Variants in ANKFN1 observed in about 807,000 individuals in gnomAD.
The protein encoded by ANKFN1 is ankyrin repeat and fibronectin type-III domain-containing protein 1.
In ANKFN1, 74 loss-of-function variants were observed where a neutral mutation model predicts 108.7. The ratio of observed to expected loss-of-function variants is 0.68; its 90% CI spans 0.56 to 0.83. The LOEUF is 0.83. Among genes scored for constraint, ANKFN1 ranks in the 40% least tolerant of loss-of-function variants. ANKFN1 has a pLI of 0.00. For synonymous variants in ANKFN1, 547 were observed against 516.2 expected, an observed-to-expected ratio of 1.06 and a Z score of -0.81; for missense variants, 1,505 against 1,382.3, an observed-to-expected ratio of 1.09 and a Z score of -1.41.
Position 56,396,123 on chromosome 17 carries a change from T to C in ANKFN1, c.910+21409T>C, listed in dbSNP as rs1202252651. Among the ~76,000 whole-genome samples the C allele has an allele frequency of 2.6e-5, 4 of 152,176 alleles. 1 individual carries two copies. The highest frequency in any genetic ancestry group is 2.0e-4 in the Admixed American group (3 of 15,276). ...TGTGTGCAGCATCTTTTTCACCTCA[T>C]CTACACCCTACTGTTTGAGAGCACA... On this transcript the variant is annotated intron_variant, in intron 8 of 20. Transcript: ENST00000682825.
At chr17:56,295,084 C>G (rs980363012) in intron 3 of ANKFN1, among the ~76,000 whole-genome samples, 1 of 152,208 alleles carries the variant, frequency 6.6e-6, no homozygotes, top group Non-Finnish European at 1.5e-5. Flanking sequence ...GTTAAGCCAG[C>G]CTATTGGAAA....
At chr17:56,295,372 A>G (rs1474758056) in intron 3 of ANKFN1, among the ~76,000 whole-genome samples, 1 of 152,176 alleles carries the variant, frequency 6.6e-6, no homozygotes, top group African/African-American at 2.4e-5. Context: ...TACTCCTATC[A>G]TTCTCAAAGG....
At chr17:56,287,035 T>C (rs2044237387) in intron 3 of ANKFN1, among the ~76,000 whole-genome samples, 1 of 152,158 alleles carries the variant, frequency 6.6e-6, no homozygotes, top group Non-Finnish European at 1.5e-5. Context: ...AGAAATACTT[T>C]AATCCCTTAT....
At chr17:56,175,392 G>C (rs1474667788) in intron 1 of ANKFN1, among the ~76,000 whole-genome samples, 1 of 152,190 alleles carries the variant, frequency 6.6e-6, no homozygotes, top group Non-Finnish European at 1.5e-5. Flanking sequence ...TGGGAGTGAA[G>C]ACACTAACAC....
chr17:56,188,581 G>GTGTGTGTGTGTATATATATA (rs1212242378), intron 1 of ANKFN1, among the ~76,000 whole-genome samples: 10 of 49,650 alleles, frequency 2.0e-4, no homozygotes, highest in African/African-American at 8.1e-4. Context: ...GTGTGTGTGT[G>GTGTGTGTGTGTATATATATA]TATATATATA....
intron 3 of ANKFN1, among the ~76,000 whole-genome samples, chr17:56,235,982 A>C (rs568051187): frequency 6.6e-6 from 1 of 152,126 alleles, no homozygotes; most frequent in East Asian, 1.9e-4. Flanking sequence ...CTTCCTATCC[A>C]TGATCCATGA....
At position 56,308,988 on chromosome 17, in the gene ANKFN1, T is replaced by G. The variant is rs146209339; in HGVS notation, c.54-17233T>G. Among the ~76,000 whole-genome samples the G allele has an allele frequency of 7.2e-3, 1,103 of 152,338 alleles. 12 individuals are homozygous for G. The highest frequency in any genetic ancestry group is 0.025 in the African/African-American group (1,033 of 41,570). ...TATTTGCTAATATTGGTTAATGATT[T>G]TTTGCATCTACATTTGTGAGTAATA... On this transcript the variant is annotated intron_variant, in intron 3 of 20. Coordinates refer to ENST00000682825, the MANE Select transcript of ANKFN1 (RefSeq NM_001370326.1).
Position 56,374,635 on chromosome 17 carries a change from G to A in ANKFN1, c.831G>A (p.Met277Ile). 1.2e-6 allele frequency: 2 copies of A among 1,613,916 alleles called. No homozygotes were observed. The highest frequency in any genetic ancestry group is 1.7e-6 in the Non-Finnish European group (2 of 1,179,824). Residue 277 changes from methionine (M) to isoleucine (I), a missense_variant, in exon 8 of 21, where the codon ATG (methionine) becomes ATA (isoleucine). Transcript: ENST00000682825. ...APEMPTNVCL[M>I]VTSSTSLTVS... ...AGATGCCAACCAATGTCTGTCTCAT[G>A]GTAACCAGCAGCACATCACTCACTG...
At chr17:56,270,405 A>G (rs2144175408) in intron 3 of ANKFN1, among the ~76,000 whole-genome samples, 1 of 152,334 alleles carries the variant, frequency 6.6e-6, no homozygotes, top group African/African-American at 2.4e-5. Context: ...CTACAGGAAG[A>G]GAGAAAAGCT....
At chr17:56,480,503 T>C (rs1314811758) in intron 16 of ANKFN1, among the ~76,000 whole-genome samples, 165 bp from the exon 17 acceptor site, 1 of 152,222 alleles carries the variant, frequency 6.6e-6, no homozygotes, top group Non-Finnish European at 1.5e-5. Context: ...AAGAGATCAT[T>C]TTAAGCTCCA....
intron 3 of ANKFN1, among the ~76,000 whole-genome samples, chr17:56,245,170 GA>G (rs1412782938): frequency 3.9e-5 from 6 of 152,272 alleles, no homozygotes; most frequent in Admixed American, 3.3e-4. Context: ...AATCATGTGA[GA>G]AATGTTATAT....
At chr17:56,230,416 T>C (rs939128109) in intron 3 of ANKFN1, among the ~76,000 whole-genome samples, 2 of 152,164 alleles carry the variant, frequency 1.3e-5, no homozygotes, top group Non-Finnish European at 2.9e-5. Context: ...AATCACATGA[T>C]ATAATGTTTT....
chr17:56,510,350 G>C lies in ANKFN1; in HGVS notation c.2645-123G>C, dbSNP rs1008512705. On this transcript the variant is annotated intron_variant, in intron 20 of 20. Transcript: ENST00000682825. ...TGTGTCAGCATTTCAGGAGGTGACA[G>C]CAGGGCATTAAACGAAGCACAGGCC... 10 of 814,314 alleles carry C rather than the reference G, an allele frequency of 1.2e-5. No individual in the cohort carries two copies. In the African/African-American group the frequency reaches 1.7e-4, roughly 14 times the overall value. 50.4% of individuals were successfully genotyped at this position (814,314 alleles called of 1,614,324 possible). A position where few individuals can be genotyped will look rare whatever the true frequency, so the allele number is the denominator to read the frequency against.
intron 19 of ANKFN1, among the ~76,000 whole-genome samples, chr17:56,492,870 T>C (rs1191962252): frequency 6.6e-6 from 1 of 152,168 alleles, no homozygotes; most frequent in Non-Finnish European, 1.5e-5. Flanking sequence ...CCCCTTCCCA[T>C]GGTCTTTTCT....
intron 4 of ANKFN1, among the ~76,000 whole-genome samples, chr17:56,148,215 A>G (rs962523422): frequency 1.6e-4 from 25 of 152,360 alleles, no homozygotes; most frequent in African/African-American, 5.3e-4. Context: ...TTCTTAGCAG[A>G]TGTAAACATT....
intron 4 of ANKFN1, among the ~76,000 whole-genome samples, chr17:56,057,499 T>A (rs1260682100): frequency 6.6e-6 from 1 of 152,160 alleles, no homozygotes; most frequent in Non-Finnish European, 1.5e-5. Flanking sequence ...ATAGTAAGAC[T>A]TGAAGGCTGG....
chr17:56,498,987 C>T lies in ANKFN1; in HGVS notation c.2533C>T (p.Pro845Ser), dbSNP rs1291531746. Residue 845 changes from proline to serine, a missense_variant, in exon 20 of 21, where the codon CCC (proline) becomes TCC (serine). Physicochemically the swap from Pro to Ser is moderately conservative, Grantham distance 74 (BLOSUM62 -1). Coordinates refer to ENST00000682825, the MANE Select transcript of ANKFN1 (RefSeq NM_001370326.1). ...CTTGCCCATCACTAAGCTGATAGAC[C>T]CCTCAGATGAGCAGAGCCTAAAGAA... is the stretch of plus-strand genomic sequence containing the variant. ...SGLPITKLID[P>S]SDEQSLKKIN... The T allele has an allele frequency of 1.2e-5, 18 of 1,535,530 alleles. No homozygotes were observed. In the South Asian group the frequency reaches 2.1e-4, roughly 18 times the overall value.
intron 15 of ANKFN1, among the ~76,000 whole-genome samples, chr17:56,470,612 C>T (rs2050283996): frequency 6.6e-6 from 1 of 152,030 alleles, no homozygotes; most frequent in Non-Finnish European, 1.5e-5. Flanking sequence ...TCCATCACAA[C>T]TAAGGAAAAG....
At position 56,372,731 on chromosome 17, in the gene ANKFN1, G is replaced by A. The variant is rs756950794; in HGVS notation, c.687G>A (p.Val229=). 4.3e-6 allele frequency: 7 copies of A among 1,613,978 alleles called. No homozygotes were observed. The highest frequency in any genetic ancestry group is 5.9e-6 in the Non-Finnish European group (7 of 1,179,940). The change falls in exon 7 of 21, where the codon GTG becomes GTA. Residue 229 remains valine (V), a synonymous_variant. Transcript: ENST00000682825. Reference sequence around the variant, plus strand: ...GGGTGAGTGAACTGTCTGCCCAGGTGGAGAATGAAGGATTCACTCTGGACA... The same window carrying A: ...GGGTGAGTGAACTGTCTGCCCAGGTAGAGAATGAAGGATTCACTCTGGACA... ...QERVSELSAQ[V]ENEGFTLDNT...
Sources: gnomAD v4.1 joint callset for allele counts (sites outside exome capture counted in the v4.1 genomes callset) on GRCh38, gnomAD v4.1.1 for gene constraint, MANE v1.5 for transcripts, NCBI Gene and HGNC (gene_info 2026-07-23, HGNC 2026-07-21) for gene names.